RALYL: variants seen among roughly 807,000 people sequenced by gnomAD.
RALYL encodes RNA-binding Raly-like protein.
In RALYL, 29 loss-of-function variants were observed where a neutral mutation model predicts 35.1. That is an observed-to-expected ratio of 0.83 (90% CI 0.61 to 1.13). RALYL has a LOEUF of 1.13. Among genes scored for constraint, RALYL ranks in the 50% most tolerant of loss-of-function variants. The pLI is 0.00. For missense variants in RALYL, 359 were observed against 360.4 expected (o/e 1.00, Z 0.03); for synonymous variants, 120 against 127.6 (o/e 0.94, Z 0.40).
chr8:84,361,229 T>A (rs891495696), intron 1 of RALYL, among the ~76,000 whole-genome samples: 4 of 152,206 alleles, frequency 2.6e-5, no homozygotes, highest in Non-Finnish European at 5.9e-5. Flanking sequence ...TCACATGTGA[T>A]AAGCTCTAGT....
chr8:84,524,590 T>C (rs2058731309), intron 1 of RALYL, among the ~76,000 whole-genome samples: 1 of 152,204 alleles, frequency 6.6e-6, no homozygotes, highest in Non-Finnish European at 1.5e-5. Flanking sequence ...TAGAGTTTAC[T>C]AGCTGGTGAT....
rs186934644 is a variant in RALYL at position 84,853,158 on chromosome 8, G to A, written c.413+3131G>A. On this transcript the variant is annotated intron_variant, in intron 5 of 8. Coordinates refer to ENST00000521268, the MANE Select transcript of RALYL (RefSeq NM_173848.7). The stretch of plus-strand genomic sequence containing the variant: ...TAGGAATAAATACCTAACCTCCTGG[G>A]AATGCAGCCCAGCAAGTCCCAGCCT... Among the ~76,000 whole-genome samples, 70 of 152,178 alleles carry A rather than the reference G, an allele frequency of 4.6e-4. No homozygotes were observed. In the Middle Eastern group the frequency reaches 0.017, roughly 37 times the overall value.
chr8:84,899,417 A>C (rs1291449204), intron 8 of RALYL, among the ~76,000 whole-genome samples: 2 of 152,056 alleles, frequency 1.3e-5, no homozygotes, highest in African/African-American at 4.8e-5. Flanking sequence ...GTTCATAAAT[A>C]TCTGTTAAAG....
At chr8:84,812,545 T>C (rs1826154185) in intron 4 of RALYL, among the ~76,000 whole-genome samples, 1 of 152,024 alleles carries the variant, frequency 6.6e-6, no homozygotes, top group Non-Finnish European at 1.5e-5. Flanking sequence ...GGCAGGACCA[T>C]CAGGTGGGGG....
intron 7 of RALYL, among the ~76,000 whole-genome samples, chr8:84,881,767 G>A (rs1446581746): frequency 2.0e-5 from 3 of 151,802 alleles, no homozygotes; most frequent in Non-Finnish European, 4.4e-5. Context: ...TCATTGTTTA[G>A]CTAACTAGAA....
chr8:84,353,241 CT>C (rs1185414100), intron 1 of RALYL, among the ~76,000 whole-genome samples: 2 of 150,068 alleles, frequency 1.3e-5, no homozygotes, highest in African/African-American at 5.0e-5. Context: ...AATTCTGGCC[CT>C]TCATAGAACT....
At chr8:84,390,237 A>G (rs994286058) in intron 1 of RALYL, among the ~76,000 whole-genome samples, 20 of 152,002 alleles carry the variant, frequency 1.3e-4, no homozygotes, top group African/African-American at 3.6e-4. Context: ...TGCTGGATTC[A>G]GTTTGCCAGT....
At chr8:84,838,608 T>C (rs1832520100) in intron 4 of RALYL, among the ~76,000 whole-genome samples, 3 of 152,210 alleles carry the variant, frequency 2.0e-5, no homozygotes, top group Admixed American at 1.3e-4. Flanking sequence ...GAGTTTATGA[T>C]GGCAGGCAGT....
intron 3 of RALYL, among the ~76,000 whole-genome samples, chr8:84,800,393 A>T (rs995190684): frequency 6.6e-6 from 1 of 152,228 alleles, no homozygotes. Flanking sequence ...ATTAGTGTTT[A>T]TAAAGAATGT....
chr8:84,766,720 CAAAAA>C (rs751821694), intron 2 of RALYL, among the ~76,000 whole-genome samples: 1 of 18,016 alleles, frequency 5.6e-5, no homozygotes, highest in East Asian at 2.3e-3. Flanking sequence ...GAGACTGTCT[CAAAAA>C]AAAAAAAAAA....
chr8:84,665,178 C>T (rs143801315), intron 2 of RALYL, among the ~76,000 whole-genome samples: 37 of 151,516 alleles, frequency 2.4e-4, no homozygotes, highest in African/African-American at 8.7e-4. Flanking sequence ...TCTTTGATTG[C>T]GGTGGTTAAG....
intron 1 of RALYL, among the ~76,000 whole-genome samples, chr8:84,276,194 AGACT>A (rs1038991946): frequency 5.3e-5 from 8 of 152,166 alleles, no homozygotes; most frequent in Non-Finnish European, 1.5e-5. Context: ...AGAGCTTTGG[AGACT>A]GACTGAATCT....
chr8:84,480,268 T>G (rs377368201), intron 1 of RALYL, among the ~76,000 whole-genome samples: 1 of 152,152 alleles, frequency 6.6e-6, no homozygotes, highest in African/African-American at 2.4e-5. Flanking sequence ...AAGAGTGCAC[T>G]TTGTTCTGAG....
At chr8:84,701,318 G>T (rs934419504) in intron 2 of RALYL, among the ~76,000 whole-genome samples, 17 of 152,128 alleles carry the variant, frequency 1.1e-4, no homozygotes, top group African/African-American at 4.1e-4. Context: ...CAGCAAACTT[G>T]TAGGAGCTGT....
At chr8:84,344,104 TAA>T (rs1002615466) in intron 1 of RALYL, among the ~76,000 whole-genome samples, 50 of 152,168 alleles carry the variant, frequency 3.3e-4, no homozygotes, top group African/African-American at 1.2e-3. Context: ...TCATTTTTTA[TAA>T]AGTTATTTGT....
intron 2 of RALYL, among the ~76,000 whole-genome samples, chr8:84,548,079 C>T (rs1429327109): frequency 6.6e-6 from 1 of 151,996 alleles, no homozygotes; most frequent in Non-Finnish European, 1.5e-5. Flanking sequence ...GGAATGTGTT[C>T]TCAACTTATA....
intron 1 of RALYL, among the ~76,000 whole-genome samples, chr8:84,274,392 G>A (rs1403628701): frequency 2.6e-5 from 4 of 152,016 alleles, no homozygotes; most frequent in African/African-American, 9.7e-5. Flanking sequence ...TTAACTTCAG[G>A]AAGCTGAGCT....
intron 1 of RALYL, among the ~76,000 whole-genome samples, chr8:84,434,221 A>T (rs2132761172): frequency 1.3e-5 from 2 of 152,080 alleles, no homozygotes; most frequent in African/African-American, 4.8e-5. Context: ...TTAAAAGAAC[A>T]CTAGTCATAT....
chr8:84,570,810 T>C (rs1004527236), intron 2 of RALYL, among the ~76,000 whole-genome samples: 4 of 151,964 alleles, frequency 2.6e-5, no homozygotes, highest in African/African-American at 9.7e-5. Flanking sequence ...TGTTAGATTT[T>C]ATTGGATGCT....
Sources: gnomAD v4.1 joint callset for allele counts (sites outside exome capture counted in the v4.1 genomes callset) on GRCh38, gnomAD v4.1.1 for gene constraint, MANE v1.5 for transcripts, NCBI Gene and HGNC (gene_info 2026-07-23, HGNC 2026-07-21) for gene names.